UNKL: variants seen among roughly 807,000 people sequenced by gnomAD.
UNKL encodes the protein unk like zinc finger.
UNKL carries 60 observed loss-of-function variants against 78.0 expected under a neutral mutation model. That is an observed-to-expected ratio of 0.77 (90% CI 0.63 to 0.95). The LOEUF is 0.95. UNKL is among the 40% of genes least tolerant of loss of function. The probability of loss-of-function intolerance (pLI) is 0.00; values close to 1 mark genes in which losing one functional copy is unlikely to be tolerated. For missense variants in UNKL, 1,159 were observed against 1,045.7 expected, an observed-to-expected ratio of 1.11 and a Z score of -1.49; for synonymous variants, 608 against 474.8, an observed-to-expected ratio of 1.28 and a Z score of -3.65.
chr16:1,409,356 T>C (rs533882769), intron 2 of UNKL, among the ~76,000 whole-genome samples: 3 of 152,308 alleles, frequency 2.0e-5, no homozygotes, highest in South Asian at 4.1e-4. Flanking sequence ...CTATTCCCTT[T>C]GTTCAGCGAT....
At position 1,403,206 on chromosome 16, in the gene UNKL, G is replaced by A. The variant is rs113428741; in HGVS notation, c.426C>T (p.His142=). ...CGGGCGGCCGCAGGTCCAGGGGGCC[G>A]TGCGCGAAGGCACAGTGCAGCCCAT... ...VKNGLHCAFA[H]GPLDLRPPVC... The change falls in exon 3 of 15, where the codon CAC becomes CAT. Residue 142 remains histidine, a synonymous_variant. Coordinates refer to ENST00000389221, the MANE Select transcript of UNKL (RefSeq NM_001372107.1). The surrounding 1 kb of genome is among the most constrained non-coding windows in gnomAD (Gnocchi z 4.8). The A allele has an allele frequency of 2.1e-4, 346 of 1,613,770 alleles. No individual in the cohort carries two copies. The African/African-American group carries it at 3.6e-3, about 17-fold the overall frequency.
chr16:1,413,819 C>T (rs554106802), intron 2 of UNKL, 27 bp downstream of exon 2: 1 of 1,499,070 alleles, frequency 6.7e-7, no homozygotes, highest in African/African-American at 1.4e-5. Context: ...TCCGCCCAGG[C>T]AGCGGCGCCC....
chr16:1,370,476 G>T, intron 11 of UNKL, 119 bp from the exon 12 acceptor site: 11 of 1,379,856 alleles, frequency 8.0e-6, no homozygotes, highest in Non-Finnish European at 9.6e-6. Context: ...GATATGGGGG[G>T]TGGGAATATA....
chr16:1,385,214 C>G lies in UNKL; in HGVS notation c.1258G>C (p.Val420Leu). ...AGGACGGTGCTGGACTTACCGAGGA[C>G]GGCCTCCACAGTGCTGCTGGCGGGG... ...LGPASSTVEA[V>L]LGSALDLHLS... Residue 420 changes from valine to leucine, a missense_variant, in exon 10 of 15, where the codon GTC becomes CTC. Coordinates refer to ENST00000389221, the MANE Select transcript of UNKL (RefSeq NM_001372107.1). 1 of 1,280,058 alleles carries G rather than the reference C, an allele frequency of 7.8e-7. No homozygotes were observed. Among genetic ancestry groups the G allele is most frequent in the South Asian group, 2.5e-5 (1 of 40,036 alleles). The allele number at this position is 1,280,058 out of a possible 1,614,324, so 79.3% of individuals were successfully genotyped here.
At position 1,377,589 on chromosome 16, in the gene UNKL, G is replaced by A. The variant is rs111604448; in HGVS notation, c.1265-5978C>T. ...CCCGGGCCCTTCCCTCCAGCCCTGC[G>A]CCTGTGCCCTGAACTGCCTCTTGTC... On this transcript the variant is annotated intron_variant, in intron 10 of 14. Transcript: ENST00000389221. Among the ~76,000 whole-genome samples the A allele has an allele frequency of 1.2e-3, 185 of 151,644 alleles. 1 individual carries two copies. The highest frequency in any genetic ancestry group is 3.7e-3 in the African/African-American group (154 of 41,270).
intron 9 of UNKL, among the ~76,000 whole-genome samples, chr16:1,389,634 G>C (rs942129160): frequency 3.9e-5 from 6 of 152,158 alleles, no homozygotes; most frequent in African/African-American, 9.7e-5. Flanking sequence ...GTGGGGGCAG[G>C]GCCCTACGCA....
intron 5 of UNKL, chr16:1,398,394 T>C (rs2037368328): frequency 9.7e-7 from 1 of 1,026,096 alleles, no homozygotes; most frequent in Non-Finnish European, 1.2e-6. Flanking sequence ...TTTCTTTCCA[T>C]GACGGGCGAT....
In UNKL at chr16:1,365,182, G is replaced by C. The variant is rs368249402; in HGVS notation, c.*1058C>G. The C allele has an allele frequency of 6.6e-6, 1 of 152,026 alleles. No homozygotes were observed. The highest frequency in any genetic ancestry group is 1.5e-5 in the Non-Finnish European group (1 of 68,034). 9.4% of individuals were successfully genotyped at this position (152,026 alleles called of 1,614,324 possible). A position where few individuals can be genotyped will look rare whatever the true frequency, so the allele number is the denominator to read the frequency against. ...CCAATTTTTGTATTTTTACTAAGAC[G>C]GGGTTGCACCATGTTGGCCAGGCTG... On this transcript the variant is annotated 3_prime_UTR_variant, in exon 15 of 15. Transcript: ENST00000389221.
At chr16:1,394,495 C>G (rs1354446779) in intron 6 of UNKL, 2 of 615,136 alleles carry the variant, frequency 3.3e-6, no homozygotes, top group Non-Finnish European at 6.1e-6. Context: ...TTGATATTTT[C>G]TGAAAGATGC....
At chr16:1,378,679 GC>G (rs2036422677) in intron 10 of UNKL, among the ~76,000 whole-genome samples, 1 of 152,204 alleles carries the variant, frequency 6.6e-6, no homozygotes, top group Non-Finnish European at 1.5e-5. Flanking sequence ...CTGTGCTGAA[GC>G]CCGGGAAGCT....
chr16:1,367,955 CA>C, intron 12 of UNKL, 97 bp from the exon 13 acceptor site: 1 of 1,174,012 alleles, frequency 8.5e-7, no homozygotes, highest in Non-Finnish European at 1.2e-6. Context: ...GCTACGTGGG[CA>C]CCCTCTGGGG....
chr16:1,368,061 C>CTTTTTTAA, intron 12 of UNKL: 2 of 533,998 alleles, frequency 3.7e-6, no homozygotes, highest in Non-Finnish European at 6.6e-6. Context: ...ACAGTGACAC[C>CTTTTTTAA]TGCCCCGGCC....
intron 4 of UNKL, 43 bp downstream of exon 4, chr16:1,401,525 C>T: frequency 7.0e-7 from 1 of 1,422,456 alleles, no homozygotes; most frequent in Non-Finnish European, 9.5e-7. Context: ...CGCGCTGTGC[C>T]CGCCCCCCCC....
chr16:1,389,065 C>T (rs1297922335), intron 9 of UNKL, among the ~76,000 whole-genome samples: 2 of 152,074 alleles, frequency 1.3e-5, no homozygotes, highest in Non-Finnish European at 2.9e-5. Context: ...CCCCCGGCCC[C>T]GGCCCCGGCC....
chr16:1,400,444 AAAAAAAAAAAAT>A, intron 4 of UNKL, among the ~76,000 whole-genome samples: 1 of 146,204 alleles, frequency 6.8e-6, no homozygotes, highest in African/African-American at 2.7e-5. Flanking sequence ...AAAAAAAAAA[AAAAAAAAAAAAT>A]CGCTGCCATA....
At chr16:1,393,565 A>AT (rs2037138033) in intron 7 of UNKL, among the ~76,000 whole-genome samples, 2 of 152,312 alleles carry the variant, frequency 1.3e-5, no homozygotes, top group South Asian at 2.1e-4. Flanking sequence ...CTGGGAACTT[A>AT]TTAGGGACCA....
chr16:1,396,074 T>A (rs1294318753), intron 6 of UNKL, among the ~76,000 whole-genome samples: 1 of 150,410 alleles, frequency 6.6e-6, no homozygotes, highest in Admixed American at 6.6e-5. Context: ...TCCAAGTAGC[T>A]GAGACTATAG....
chr16:1,401,771 AGG>A, intron 3 of UNKL, 70 bp from the exon 4 acceptor site: 1 of 1,538,526 alleles, frequency 6.5e-7, no homozygotes, highest in South Asian at 1.2e-5. Context: ...AGGTCACTGG[AGG>A]GCACGCTCCC....
In UNKL at chr16:1,398,904, TG is replaced by T. The variant is rs770490782; in HGVS notation, c.734+469del. On this transcript the variant is annotated intron_variant, in intron 5 of 14. Transcript: ENST00000389221. ...AGGGCGACCCTTGGGTTGTTGGCCC[TG>T]GGACTCAGCCTAAGGACCCGGCGTC... The T allele has an allele frequency of 3.1e-4, 489 of 1,570,174 alleles. 2 individuals carry two copies. Among genetic ancestry groups the T allele is most frequent in the Middle Eastern group, 8.4e-4 (5 of 5,928 alleles).
Sources: allele counts gnomAD v4.1 joint callset (sites outside exome capture counted in the v4.1 genomes callset), GRCh38; gene constraint gnomAD v4.1.1; non-coding constraint Gnocchi (gnomAD v3.1); transcripts MANE v1.5; gene names NCBI Gene and HGNC (gene_info 2026-07-23, HGNC 2026-07-21).